PHF24: variants seen among roughly 807,000 people sequenced by gnomAD.
The protein encoded by PHF24 is Galpha inhibitory interacting protein.
PHF24 carries 25 observed loss-of-function variants against 42.6 expected under a neutral mutation model. The ratio of observed to expected loss-of-function variants is 0.59; its 90% CI spans 0.43 to 0.82. The LOEUF is 0.82. Ranked by LOEUF, PHF24 falls within the 40% of genes least tolerant of loss-of-function variation. The pLI is 0.00. For missense variants in PHF24, 470 were observed against 538.1 expected (o/e 0.87, Z 1.25); for synonymous variants, 185 against 204.8 (o/e 0.90, Z 0.83).
chr9:34,667,021 G>T, the PHF24 span, among the ~76,000 whole-genome samples: 1 of 152,186 alleles, frequency 6.6e-6, no homozygotes, highest in Non-Finnish European at 1.5e-5. Context: ...GTAGAGCTGG[G>T]AGGATCAAAA....
chr9:34,835,855 A>G, the PHF24 span: 1 of 1,243,562 alleles, frequency 8.0e-7, no homozygotes, highest in Admixed American at 2.0e-5. Flanking sequence ...ACTCTGCTCA[A>G]AGGATACACT....
chr9:34,715,897 A>G, the PHF24 span, among the ~76,000 whole-genome samples: 312 of 152,366 alleles, frequency 2.0e-3, 2 homozygotes, highest in African/African-American at 7.0e-3. Flanking sequence ...CTTCAGTCTC[A>G]GGCCCGTTTG....
chr9:34,833,274 C>T, the PHF24 span: 278 of 1,551,016 alleles, frequency 1.8e-4, 1 homozygote, highest in Middle Eastern at 2.0e-3. Context: ...TCTACCTGAA[C>T]ACAAGGCATG....
chr9:34,930,057 C>G, the PHF24 span, among the ~76,000 whole-genome samples: 2 of 152,182 alleles, frequency 1.3e-5, no homozygotes, highest in African/African-American at 4.8e-5. Flanking sequence ...TATTTTGGGG[C>G]TTCTCTTTTG....
At chr9:34,908,409 A>G in the PHF24 span, among the ~76,000 whole-genome samples, 1 of 152,250 alleles carries the variant, frequency 6.6e-6, no homozygotes, top group Admixed American at 6.5e-5. Flanking sequence ...GGGAGCTTTC[A>G]TTCTAGTGGA....
the PHF24 span, among the ~76,000 whole-genome samples, chr9:34,921,065 C>G: frequency 0.033 from 5,034 of 152,162 alleles, 288 homozygotes; most frequent in African/African-American, 0.12. Flanking sequence ...TTGTCTCGTT[C>G]CAGAACTTAG....
At chr9:34,676,328 A>G in the PHF24 span, among the ~76,000 whole-genome samples, 1 of 152,210 alleles carries the variant, frequency 6.6e-6, no homozygotes, top group African/African-American at 2.4e-5. Flanking sequence ...GTTCAAGACC[A>G]GCCTAGGCAC....
the PHF24 span, among the ~76,000 whole-genome samples, chr9:34,893,601 CAA>C: frequency 3.1e-5 from 4 of 128,566 alleles, no homozygotes; most frequent in African/African-American, 2.8e-5. Context: ...AACTCTGTCT[CAA>C]AAAAAAAAAA....
chr9:34,874,836 GT>G, the PHF24 span, among the ~76,000 whole-genome samples: 1 of 152,006 alleles, frequency 6.6e-6, no homozygotes, highest in Non-Finnish European at 1.5e-5. Flanking sequence ...TGGGTACATA[GT>G]AAGTGTATAT....
chr9:34,826,073 G>A, the PHF24 span, among the ~76,000 whole-genome samples: 1 of 152,098 alleles, frequency 6.6e-6, no homozygotes, highest in Non-Finnish European at 1.5e-5. Context: ...GGCAGGAAAG[G>A]GGGGTAGTTG....
At chr9:34,928,759 G>A in the PHF24 span, among the ~76,000 whole-genome samples, 1 of 152,158 alleles carries the variant, frequency 6.6e-6, no homozygotes, top group African/African-American at 2.4e-5. Context: ...CAATTGAGAT[G>A]TATCATCCAG....
At chr9:34,820,830 A>T in the PHF24 span, among the ~76,000 whole-genome samples, 1 of 152,220 alleles carries the variant, frequency 6.6e-6, no homozygotes, top group Non-Finnish European at 1.5e-5. Flanking sequence ...CACATGGCTC[A>T]ACTAATTTAC....
At chr9:34,836,050 T>G in the PHF24 span, 1 of 607,310 alleles carries the variant, frequency 1.6e-6, no homozygotes, top group East Asian at 3.7e-5. Flanking sequence ...AAGCCAGCCC[T>G]GGCTGGAAAG....
At chr9:34,800,311 G>T in the PHF24 span, among the ~76,000 whole-genome samples, 1 of 151,940 alleles carries the variant, frequency 6.6e-6, no homozygotes, top group East Asian at 1.9e-4. Flanking sequence ...CATTTAGAAT[G>T]GAAAAAATCA....
At chr9:34,772,949 G>A in the PHF24 span, among the ~76,000 whole-genome samples, 2 of 151,914 alleles carry the variant, frequency 1.3e-5, no homozygotes, top group African/African-American at 4.8e-5. Flanking sequence ...TAAAAGACCA[G>A]GAGCACCAGT....
chr9:34,855,204 CA>C, the PHF24 span, among the ~76,000 whole-genome samples: 21 of 152,084 alleles, frequency 1.4e-4, no homozygotes, highest in African/African-American at 4.8e-4. Context: ...GACAGCATAC[CA>C]ATGGGGCTTG....
the PHF24 span, among the ~76,000 whole-genome samples, chr9:34,884,727 G>C: frequency 1.3e-5 from 2 of 152,238 alleles, no homozygotes; most frequent in African/African-American, 2.4e-5. Context: ...AGAGCAAGGA[G>C]TTTCTGCTCC....
the PHF24 span, among the ~76,000 whole-genome samples, chr9:34,911,948 G>A: frequency 1.3e-5 from 2 of 152,222 alleles, no homozygotes; most frequent in Non-Finnish European, 1.5e-5. Context: ...AAGGCAACCT[G>A]AGTCGGGGAA....
the PHF24 span, among the ~76,000 whole-genome samples, chr9:34,696,138 T>C: frequency 6.6e-6 from 1 of 152,140 alleles, no homozygotes; most frequent in Admixed American, 6.5e-5. Flanking sequence ...TAGTACTATA[T>C]TGAGGCCAGA....
Sources: allele counts gnomAD v4.1 joint callset (sites outside exome capture counted in the v4.1 genomes callset), GRCh38; gene constraint gnomAD v4.1.1; transcripts MANE v1.5; gene names NCBI Gene and HGNC (gene_info 2026-07-23, HGNC 2026-07-21).